FBXO38: variants seen among roughly 807,000 people sequenced by gnomAD.
FBXO38 encodes F-box protein 38, also known as F-box only protein 38.
Under a neutral mutation model 131.9 loss-of-function variants are expected in FBXO38, and 53 were observed. The observed-to-expected ratio is 0.40, with a 90% CI of 0.32 to 0.51. FBXO38 has a LOEUF of 0.51. FBXO38 is among the 20% of genes least tolerant of loss of function. The pLI is 0.53. For missense variants in FBXO38, 1,076 were observed against 1,475.6 expected, an observed-to-expected ratio of 0.73 and a Z score of 4.44; for synonymous variants, 452 against 505.6, an observed-to-expected ratio of 0.89 and a Z score of 1.42.
In FBXO38 at chr5:148,402,468, C is replaced by T. The variant is rs140174313; in HGVS notation, c.547C>T (p.Leu183=). ...TTTTCCAATTCCTCCTGAAAATAAA[C>T]TGAAAATTCCTATAGGAGCCAAAAT... ...GAFPIPPENK[L]KIPIGAKIQT... Residue 183 remains leucine, a synonymous_variant, in exon 5 of 22, where the codon CTG becomes TTG. Transcript: ENST00000340253. 1.5e-5 allele frequency: 24 copies of T among 1,611,964 alleles called. No homozygotes were observed. The African/African-American group carries it at 3.2e-4, about 22-fold the overall frequency.
intron 2 of FBXO38, among the ~76,000 whole-genome samples, chr5:148,395,992 A>G (rs1758458913): frequency 6.6e-6 from 1 of 152,198 alleles, no homozygotes; most frequent in African/African-American, 2.4e-5. Context: ...GAATTTCTAC[A>G]AATGAATATT....
In FBXO38 at chr5:148,394,770, CACA is replaced by C; in HGVS notation, c.-2_1del. On this transcript the variant is annotated 5_prime_UTR_variant, in exon 2 of 22. Coordinates refer to ENST00000340253, the MANE Select transcript of FBXO38 (RefSeq NM_205836.3). ...ATTTTCTCGTTGATACTGGAGACTGCACAACAATGGGGCCACGAAAGAAAAGTG... is the reference window on the plus strand; with the variant it reads ...ATTTTCTCGTTGATACTGGAGACTGCACAATGGGGCCACGAAAGAAAAGTG... 1.3e-6 allele frequency: 2 copies of C among 1,552,506 alleles called. No individual in the cohort carries two copies. The highest frequency in any genetic ancestry group is 1.7e-6 in the Non-Finnish European group (2 of 1,150,908).
chr5:148,427,517 T>C lies in FBXO38; in HGVS notation c.2223T>C (p.Pro741=), dbSNP rs892701086. The change falls in exon 15 of 22, where the codon CCT becomes CCC. Residue 741 remains proline (P), a synonymous_variant. Transcript: ENST00000340253. ...GCGGCGGCTCTTCCGAGCCTAGCCCTACAGAAGTGGATGTGTCCAGGCAGT... is the reference window on the plus strand; with the variant it reads ...GCGGCGGCTCTTCCGAGCCTAGCCCCACAGAAGTGGATGTGTCCAGGCAGT... The part of the protein sequence containing the change: ...VNSGGSSEPS[P]TEVDVSRQCA... 5 of 1,614,170 alleles carry C rather than the reference T, an allele frequency of 3.1e-6. No individual in the cohort carries two copies. Among genetic ancestry groups the C allele is most frequent in the Non-Finnish European group, 3.4e-6 (4 of 1,180,030 alleles).
At position 148,419,581 on chromosome 5, in the gene FBXO38, A is replaced by G. The variant is rs78440106; in HGVS notation, c.1618+2377A>G. On this transcript the variant is annotated intron_variant, in intron 12 of 21. Coordinates refer to ENST00000340253, the MANE Select transcript of FBXO38 (RefSeq NM_205836.3). ...ACATGTTGACTCTCCTTGATGTACA[A>G]TTTGAAAACTTTTCACGTCTGGGCC... Among the ~76,000 whole-genome samples, 759 of 152,296 alleles carry G rather than the reference A, an allele frequency of 5.0e-3. 4 individuals are homozygous for G. Among genetic ancestry groups the G allele is most frequent in the Non-Finnish European group, 9.2e-3 (626 of 68,018 alleles).
At chr5:148,408,827 A>G (rs1581247930) in intron 7 of FBXO38, among the ~76,000 whole-genome samples, 1 of 152,182 alleles carries the variant, frequency 6.6e-6, no homozygotes, top group African/African-American at 2.4e-5. Context: ...TTCTTTTTTT[A>G]CAATTCTCTC....
At chr5:148,392,414 G>C (rs777893876) in intron 1 of FBXO38, among the ~76,000 whole-genome samples, 2 of 152,036 alleles carry the variant, frequency 1.3e-5, no homozygotes, top group Non-Finnish European at 2.9e-5. Flanking sequence ...TCTTTGTTTT[G>C]GGGAGGGGGA....
intron 15 of FBXO38, 42 bp from the exon 16 acceptor site, chr5:148,433,382 C>T (rs376917359): frequency 7.0e-7 from 1 of 1,420,982 alleles, no homozygotes; most frequent in East Asian, 2.3e-5. Flanking sequence ...GGAAAGAAAG[C>T]AAGGCTAAAA....
chr5:148,422,780 G>A (rs1753513178), intron 12 of FBXO38, among the ~76,000 whole-genome samples: 2 of 152,346 alleles, frequency 1.3e-5, no homozygotes, highest in Non-Finnish European at 2.9e-5. Flanking sequence ...ATGTTTGAAT[G>A]TACTTCTTTT....
At chr5:148,441,076 T>G in intron 20 of FBXO38, 48 bp from the exon 21 acceptor site, 2 of 1,348,656 alleles carry the variant, frequency 1.5e-6, no homozygotes, top group Non-Finnish European at 2.1e-6. Context: ...AGAATTTGGC[T>G]CTGTCAGCAC....
chr5:148,411,800 A>G (rs988269038), intron 9 of FBXO38, among the ~76,000 whole-genome samples: 5 of 152,180 alleles, frequency 3.3e-5, no homozygotes, highest in African/African-American at 9.6e-5. Context: ...AATGAGTACA[A>G]TGATTTTATA....
intron 10 of FBXO38, chr5:148,415,366 GA>G (rs967068907): frequency 3.3e-5 from 5 of 152,762 alleles, no homozygotes; most frequent in Admixed American, 6.5e-5. Context: ...GGTACAAAAT[GA>G]AAACTCTCCT....
intron 17 of FBXO38, among the ~76,000 whole-genome samples, chr5:148,436,977 A>G (rs1754378856): frequency 6.6e-6 from 1 of 152,232 alleles, no homozygotes; most frequent in African/African-American, 2.4e-5. Context: ...TCATTCTGTC[A>G]GTACCTACAC....
At position 148,441,211 on chromosome 5, in the gene FBXO38, G is replaced by A. The variant is rs149713669; in HGVS notation, c.3362G>A (p.Arg1121Gln). Residue 1121 changes from arginine (R) to glutamine (Q), a missense_variant, in exon 21 of 22, where the codon CGA becomes CAA. Transcript: ENST00000340253. The part of the protein sequence containing the change: ...LRAAEPNSFA[R>Q]YDFEDDEEST... The stretch of plus-strand genomic sequence containing the variant: ...GCTGCAGAGCCCAACAGCTTCGCTC[G>A]ATACGACTTTGAAGACGATGAAGAA... 56 of 1,613,250 alleles carry A rather than the reference G, an allele frequency of 3.5e-5. No individual in the cohort carries two copies. The highest frequency in any genetic ancestry group is 4.2e-5 in the Non-Finnish European group (50 of 1,179,734).
At chr5:148,392,643 G>A (rs1028453532) in intron 1 of FBXO38, among the ~76,000 whole-genome samples, 2 of 146,380 alleles carry the variant, frequency 1.4e-5, no homozygotes, top group African/African-American at 5.1e-5. Context: ...TAAATCCTTG[G>A]GAATGAGTAC....
At chr5:148,415,189 T>TA (rs1284063791) in intron 10 of FBXO38, among the ~76,000 whole-genome samples, 3 of 152,156 alleles carry the variant, frequency 2.0e-5, no homozygotes, top group Admixed American at 6.5e-5. Context: ...TAGATGACTT[T>TA]AAAAAAATAA....
At position 148,409,484 on chromosome 5, in the gene FBXO38, A is replaced by G. The variant is rs60208019; in HGVS notation, c.962+267A>G. Among the ~76,000 whole-genome samples, 417 of 152,302 alleles carry G rather than the reference A, an allele frequency of 2.7e-3. 2 individuals carry two copies. Among genetic ancestry groups the G allele is most frequent in the African/African-American group, 8.1e-3 (338 of 41,574 alleles). On this transcript the variant is annotated intron_variant, in intron 8 of 21. Transcript: ENST00000340253. ...CAGAGAAAAGCAGTGGAATTTCTGG[A>G]AATGGCTGAGAGTCCAATAGAAGTT...
intron 12 of FBXO38, chr5:148,423,785 C>T: frequency 3.1e-6 from 1 of 325,632 alleles, no homozygotes; most frequent in African/African-American, 2.1e-5. Context: ...ACAAATGATC[C>T]TTTCCCATCT....
At chr5:148,410,385 G>T in intron 8 of FBXO38, 1 of 484,844 alleles carries the variant, frequency 2.1e-6, no homozygotes, top group Non-Finnish European at 3.6e-6. Flanking sequence ...TTTGCCTGCT[G>T]CCATCAGGCA....
chr5:148,425,223 T>G (rs1325573204), intron 13 of FBXO38, among the ~76,000 whole-genome samples: 1 of 152,232 alleles, frequency 6.6e-6, no homozygotes, highest in Non-Finnish European at 1.5e-5. Flanking sequence ...TTTATGATAC[T>G]CTTTGAAATA....
Sources: gnomAD v4.1 joint callset for allele counts (sites outside exome capture counted in the v4.1 genomes callset) on GRCh38, gnomAD v4.1.1 for gene constraint, MANE v1.5 for transcripts, NCBI Gene and HGNC (gene_info 2026-07-23, HGNC 2026-07-21) for gene names.